Variants in TCF4 observed in about 807,000 individuals in gnomAD.
TCF4 encodes the protein SL3-3 enhancer factor 2.
In TCF4, 3 loss-of-function variants were observed where a neutral mutation model predicts 82.1. The observed-to-expected ratio is 0.04, with a 90% CI of 0.02 to 0.09. The LOEUF is 0.09. Among genes scored for constraint, TCF4 ranks in the 10% least tolerant of loss-of-function variants. The probability of loss-of-function intolerance (pLI) is 1.00; values close to 1 mark genes in which losing one functional copy is unlikely to be tolerated. For missense variants in TCF4, 518 were observed against 852.7 expected (o/e 0.61, Z 4.89); for synonymous variants, 276 against 309.6 (o/e 0.89, Z 1.14).
intron 6 of TCF4, among the ~76,000 whole-genome samples, chr18:55,372,236 C>T (rs2089446537): frequency 6.6e-6 from 1 of 151,942 alleles, no homozygotes; most frequent in African/African-American, 2.4e-5. Flanking sequence ...GGTGGAATAA[C>T]AATTTTGAAT....
chr18:55,621,337 T>G (rs543577400), intron 2 of TCF4, among the ~76,000 whole-genome samples: 9 of 144,858 alleles, frequency 6.2e-5, no homozygotes, highest in Admixed American at 3.0e-4. Context: ...ACATATCTTT[T>G]TCTTTTTAAG....
intron 5 of TCF4, among the ~76,000 whole-genome samples, chr18:55,413,503 T>C (rs1428823635): frequency 6.6e-6 from 1 of 152,108 alleles, no homozygotes; most frequent in Admixed American, 6.5e-5. Flanking sequence ...ATAACCAAAC[T>C]GCCAGATACG....
intron 5 of TCF4, among the ~76,000 whole-genome samples, chr18:55,405,698 A>G (rs2094051201): frequency 6.6e-6 from 1 of 152,140 alleles, no homozygotes; most frequent in African/African-American, 2.4e-5. Context: ...GAGAGAGAGA[A>G]TAAGTAGGAG....
At chr18:55,509,826 C>T (rs911660321) in intron 3 of TCF4, among the ~76,000 whole-genome samples, 3 of 152,130 alleles carry the variant, frequency 2.0e-5, no homozygotes, top group Non-Finnish European at 4.4e-5. Flanking sequence ...GGGGAAATCA[C>T]AGGAAGTTAA....
rs1569192843 is a variant in TCF4 at position 55,362,438 on chromosome 18, A to AGGAAGG, written c.370-11436_370-11435insCCTTCC. Among the ~76,000 whole-genome samples the AGGAAGG allele has an allele frequency of 1.5e-3, 181 of 124,528 alleles. 4 individuals carry two copies. Among genetic ancestry groups the AGGAAGG allele is most frequent in the African/African-American group, 3.6e-3 (102 of 28,448 alleles). The allele number at this position is 124,528 out of a possible 152,430, so 81.7% of individuals were successfully genotyped here. A position where few individuals can be genotyped will look rare whatever the true frequency, so the allele number is the denominator to read the frequency against. On this transcript the variant is annotated intron_variant, in intron 6 of 19. Coordinates refer to ENST00000354452, the MANE Select transcript of TCF4 (RefSeq NM_001083962.2). ...GGAAGGAAGGAAGGAAGGAAGGAAA[A>AGGAAGG]AAAAAAAGAAGAAAACATGTATCTG...
intron 3 of TCF4, among the ~76,000 whole-genome samples, chr18:55,564,465 A>C (rs2097383596): frequency 6.6e-6 from 1 of 152,232 alleles, no homozygotes; most frequent in Non-Finnish European, 1.5e-5. Context: ...ACCAGGCAAG[A>C]AATGATGGTG....
rs954203147 is a variant in TCF4 at position 55,365,690 on chromosome 18, A to G, written c.370-14687T>C. On this transcript the variant is annotated intron_variant, in intron 6 of 19. Transcript: ENST00000354452. The stretch of plus-strand genomic sequence containing the variant: ...CAAGGTGAGTGGACCACCTGAGGTC[A>G]GGAGTTCAAGACCAGCCTGGCCAAC... 2.0e-5 allele frequency among the ~76,000 whole-genome samples: 3 copies of G among 152,132 alleles called. No individual in the cohort carries two copies. In the East Asian group the frequency reaches 5.8e-4, roughly 29 times the overall value.
intron 6 of TCF4, among the ~76,000 whole-genome samples, chr18:55,395,906 G>A (rs554882920): frequency 1.3e-5 from 2 of 152,258 alleles, no homozygotes; most frequent in South Asian, 4.2e-4. Flanking sequence ...GGATGTTACT[G>A]AATAGATTAT....
chr18:55,436,933 A>G (rs1048498682), intron 5 of TCF4, among the ~76,000 whole-genome samples: 5 of 152,230 alleles, frequency 3.3e-5, no homozygotes, highest in African/African-American at 1.2e-4. Flanking sequence ...ACTGCACAAA[A>G]TAAGTCCTAG....
intron 15 of TCF4, among the ~76,000 whole-genome samples, chr18:55,242,108 C>T (rs936883085): frequency 6.6e-6 from 1 of 152,222 alleles, no homozygotes; most frequent in Non-Finnish European, 1.5e-5. Context: ...CCAACTGCTT[C>T]TCTTTTATTA....
At chr18:55,286,543 T>C (rs1301370088) in intron 8 of TCF4, among the ~76,000 whole-genome samples, 1 of 152,188 alleles carries the variant, frequency 6.6e-6, no homozygotes, top group East Asian at 1.9e-4. Context: ...AGTAGCTAAC[T>C]TAAAGATTCC....
exon 2 of TCF4, chr18:55,631,319 G>A: frequency 6.5e-7 from 1 of 1,535,058 alleles, no homozygotes; most frequent in East Asian, 2.5e-5. Flanking sequence ...AAAGTGCTGG[G>A]ATTACAGGTG....
intron 3 of TCF4, among the ~76,000 whole-genome samples, chr18:55,580,777 T>TGTGG (rs1246028796): frequency 3.3e-5 from 5 of 151,284 alleles, no homozygotes; most frequent in Non-Finnish European, 7.4e-5. Flanking sequence ...TGTGTGTGTG[T>TGTGG]GTATAGAACT....
At chr18:55,322,809 G>A (rs894454504) in intron 8 of TCF4, among the ~76,000 whole-genome samples, 4 of 152,244 alleles carry the variant, frequency 2.6e-5, no homozygotes, top group African/African-American at 9.6e-5. Context: ...TCTAAAGCAA[G>A]TTTATTGGTA....
At chr18:55,558,778 TA>T (rs2097328268) in intron 3 of TCF4, among the ~76,000 whole-genome samples, 1 of 152,146 alleles carries the variant, frequency 6.6e-6, no homozygotes, top group Non-Finnish European at 1.5e-5. Flanking sequence ...GTGATATACT[TA>T]TTTAGGTCAC....
chr18:55,234,557 G>T lies in TCF4; in HGVS notation c.1477C>A (p.Pro493Thr), dbSNP rs1176764986. 6.2e-7 allele frequency: 1 copy of T among 1,614,122 alleles called. No individual in the cohort carries two copies. The highest frequency in any genetic ancestry group is 2.2e-5 in the East Asian group (1 of 44,874). Residue 493 changes from proline (P) to threonine (T), a missense_variant, in exon 16 of 20, where the codon CCT (proline) becomes ACT (threonine). By Grantham distance (38) the Pro-to-Thr change is conservative. Transcript: ENST00000354452. ...TSPDLNPPQD[P>T]YRGMPPGLQG... is the part of the protein sequence containing the mutation. ...GGTGAGGCCAACCTACCTCTGTAAG[G>T]GTCCTGGGGTGGGTTCAGGTCAGGG...
At chr18:55,405,106 C>T (rs1195238305) in intron 5 of TCF4, among the ~76,000 whole-genome samples, 1 of 152,212 alleles carries the variant, frequency 6.6e-6, no homozygotes, top group African/African-American at 2.4e-5. Flanking sequence ...CTTGTATCAG[C>T]AGTGTGAATG....
In TCF4 at chr18:55,598,078, A is replaced by G. The variant is rs115987532; in HGVS notation, c.287-10942T>C. ...AATAAATCACCCAAACCCCTGACAA[A>G]CTATATAGAGAGTTATCAAGTGGTA... On this transcript the variant is annotated intron_variant, in intron 2 of 20. Transcript: ENST00000398339. 4.6e-3 allele frequency among the ~76,000 whole-genome samples: 708 copies of G among 152,292 alleles called. 9 individuals are homozygous for G. The highest frequency in any genetic ancestry group is 0.016 in the African/African-American group (685 of 41,544).
At chr18:55,613,146 G>A (rs1489245570) in intron 2 of TCF4, among the ~76,000 whole-genome samples, 1 of 151,992 alleles carries the variant, frequency 6.6e-6, no homozygotes, top group Non-Finnish European at 1.5e-5. Flanking sequence ...ACATATTTAA[G>A]TGTACAATTT....
Sources: gnomAD v4.1 joint callset for allele counts (sites outside exome capture counted in the v4.1 genomes callset) on GRCh38, gnomAD v4.1.1 for gene constraint, MANE v1.5 for transcripts, NCBI Gene and HGNC (gene_info 2026-07-23, HGNC 2026-07-21) for gene names.